The following SH3RF3 variants were observed in gnomAD, a reference collection of about 807,000 sequenced individuals.
SH3RF3 encodes E3 ubiquitin-protein ligase SH3RF3.
SH3RF3 carries 29 observed loss-of-function variants against 66.3 expected under a neutral mutation model. The ratio of observed to expected loss-of-function variants is 0.44; its 90% CI spans 0.33 to 0.60. SH3RF3 has a LOEUF of 0.60. Ranked by LOEUF, SH3RF3 falls within the 20% of genes least tolerant of loss-of-function variation. The pLI is 0.04. For missense variants in SH3RF3, 1,194 were observed against 1,190.9 expected (o/e 1.00, Z -0.04); for synonymous variants, 583 against 532.0 (o/e 1.10, Z -1.32).
At chr2:109,427,356 T>C (rs185739566) in intron 5 of SH3RF3, among the ~76,000 whole-genome samples, 12 of 152,242 alleles carry the variant, frequency 7.9e-5, no homozygotes, top group African/African-American at 2.7e-4. Context: ...AGTATAAATA[T>C]AATTTTTACA....
intron 5 of SH3RF3, 76 bp from the exon 6 acceptor site, chr2:109,432,425 T>TC (rs1444507854): frequency 5.0e-5 from 78 of 1,561,510 alleles, no homozygotes; most frequent in Non-Finnish European, 6.4e-5. Flanking sequence ...AAAGACAACC[T>TC]CCCCCCAGGA....
At chr2:109,290,297 A>G (rs1017952540) in intron 1 of SH3RF3, among the ~76,000 whole-genome samples, 5 of 152,236 alleles carry the variant, frequency 3.3e-5, no homozygotes, top group African/African-American at 4.8e-5. Flanking sequence ...TTCTAGTAAT[A>G]TAACACATTG....
intron 8 of SH3RF3, among the ~76,000 whole-genome samples, chr2:109,487,826 A>G (rs571411612): frequency 3.7e-4 from 56 of 152,320 alleles, no homozygotes; most frequent in African/African-American, 1.3e-3. Context: ...GACTCAGTTC[A>G]TTCAGCAAAC....
chr2:109,241,538 C>T (rs148861380), intron 1 of SH3RF3, among the ~76,000 whole-genome samples: 16 of 152,132 alleles, frequency 1.1e-4, no homozygotes, highest in Admixed American at 3.9e-4. Context: ...TATAACCATC[C>T]GTCCTCCCTC....
In SH3RF3 at chr2:109,265,633, G is replaced by T. The variant is rs571593176; in HGVS notation, c.574-82041G>T. Among the ~76,000 whole-genome samples, 7 of 152,360 alleles carry T rather than the reference G, an allele frequency of 4.6e-5. No homozygotes were observed. The East Asian group carries it at 1.4e-3, about 29-fold the overall frequency. Reference sequence around the variant, plus strand: ...CCAGGGGCCTGCATGGGTCCTGCCAGGTGGCCAACGCTGAAACAGAATGTG... The same window carrying T: ...CCAGGGGCCTGCATGGGTCCTGCCATGTGGCCAACGCTGAAACAGAATGTG... On this transcript the variant is annotated intron_variant, in intron 1 of 9. Coordinates refer to ENST00000309415, the MANE Select transcript of SH3RF3 (RefSeq NM_001099289.3).
chr2:109,155,960 G>C (rs1349886017), intron 1 of SH3RF3, among the ~76,000 whole-genome samples: 1 of 152,194 alleles, frequency 6.6e-6, no homozygotes, highest in Non-Finnish European at 1.5e-5. Context: ...GGATCATTCT[G>C]CATGCTGTCA....
rs913152535 is a variant in SH3RF3 at position 109,428,981 on chromosome 2, C to G, written c.1404-3520C>G. ...GCCACTGAGTGCAGGGGACGCCATC[C>G]AGCTCAGCCAGGAGACTCTGAACTG... On this transcript the variant is annotated intron_variant, in intron 5 of 9. Transcript: ENST00000309415. Among the ~76,000 whole-genome samples the G allele has an allele frequency of 1.9e-4, 29 of 152,316 alleles. No individual in the cohort carries two copies. In the Middle Eastern group the frequency reaches 0.01, roughly 54 times the overall value.
At chr2:109,279,143 G>A (rs1043251635) in intron 1 of SH3RF3, among the ~76,000 whole-genome samples, 3 of 152,206 alleles carry the variant, frequency 2.0e-5, no homozygotes, top group African/African-American at 4.8e-5. Context: ...ATGGGATATT[G>A]AGTAGTGGAC....
chr2:109,268,398 G>A (rs1680548482), intron 1 of SH3RF3, among the ~76,000 whole-genome samples: 1 of 151,998 alleles, frequency 6.6e-6, no homozygotes, highest in Admixed American at 6.6e-5. Flanking sequence ...ACTGCAGCAG[G>A]GCTGAGAGCT....
chr2:109,360,894 T>G (rs1228686574), intron 2 of SH3RF3, among the ~76,000 whole-genome samples: 1 of 152,236 alleles, frequency 6.6e-6, no homozygotes, highest in Non-Finnish European at 1.5e-5. Context: ...TGCCTTGTCC[T>G]TGATCTTAGT....
At chr2:109,292,918 G>A (rs569136857) in intron 1 of SH3RF3, among the ~76,000 whole-genome samples, 6 of 152,260 alleles carry the variant, frequency 3.9e-5, no homozygotes, top group Middle Eastern at 3.4e-3. Context: ...TTTTAGTAGA[G>A]ACAGGGTTTC....
chr2:109,214,722 G>C (rs993515270), intron 1 of SH3RF3, among the ~76,000 whole-genome samples: 2 of 152,206 alleles, frequency 1.3e-5, no homozygotes, highest in Non-Finnish European at 2.9e-5. Flanking sequence ...CTCCACTCCA[G>C]CTGCAACTCT....
intron 1 of SH3RF3, among the ~76,000 whole-genome samples, chr2:109,343,014 C>T (rs1253051786): frequency 6.6e-6 from 1 of 152,126 alleles, no homozygotes; most frequent in Non-Finnish European, 1.5e-5. Flanking sequence ...AATGGAATTC[C>T]TCTGAAGGGG....
chr2:109,343,169 T>A (rs1368949107), intron 1 of SH3RF3, among the ~76,000 whole-genome samples: 1 of 152,040 alleles, frequency 6.6e-6, no homozygotes, highest in African/African-American at 2.4e-5. Flanking sequence ...TCAGCAGAAG[T>A]CTTTTCTCCC....
chr2:109,204,258 G>C (rs1451084927), intron 1 of SH3RF3, among the ~76,000 whole-genome samples: 1 of 152,140 alleles, frequency 6.6e-6, no homozygotes, highest in Non-Finnish European at 1.5e-5. Flanking sequence ...CTTTGCTTAT[G>C]CCCTGTTGCT....
In SH3RF3 at chr2:109,261,917, G is replaced by T. The variant is rs138407830; in HGVS notation, c.574-85757G>T. On this transcript the variant is annotated intron_variant, in intron 1 of 9. Coordinates refer to ENST00000309415, the MANE Select transcript of SH3RF3 (RefSeq NM_001099289.3). The stretch of plus-strand genomic sequence containing the variant: ...TACGAGACATGTTGATGCATTCAGT[G>T]TGGTGTGTATTAAGATCTTTACTGG... Among the ~76,000 whole-genome samples the T allele has an allele frequency of 7.3e-3, 1,113 of 152,048 alleles. 8 individuals carry two copies. The highest frequency in any genetic ancestry group is 0.024 in the South Asian group (115 of 4,796).
At chr2:109,236,349 T>C (rs1679650432) in intron 1 of SH3RF3, among the ~76,000 whole-genome samples, 1 of 152,114 alleles carries the variant, frequency 6.6e-6, no homozygotes. Flanking sequence ...CTCCAGAGTG[T>C]GCGAGCATCC....
At chr2:109,307,547 A>G (rs908651510) in intron 1 of SH3RF3, among the ~76,000 whole-genome samples, 4 of 143,258 alleles carry the variant, frequency 2.8e-5, no homozygotes, top group Admixed American at 2.8e-4. Flanking sequence ...AGCATTAGGT[A>G]TATCTCCCAA....
At chr2:109,274,659 G>A (rs1476609054) in intron 1 of SH3RF3, among the ~76,000 whole-genome samples, 1 of 152,166 alleles carries the variant, frequency 6.6e-6, no homozygotes, top group Non-Finnish European at 1.5e-5. Context: ...ATTACTTCAC[G>A]GGGGTAGGGC....
Sources: allele counts gnomAD v4.1 joint callset (sites outside exome capture counted in the v4.1 genomes callset), GRCh38; gene constraint gnomAD v4.1.1; transcripts MANE v1.5; gene names NCBI Gene and HGNC (gene_info 2026-07-23, HGNC 2026-07-21).